The following UST variants were observed in gnomAD, a reference collection of about 807,000 sequenced individuals.
The protein encoded by UST is chondroitin sulfate 2-O-sulfotransferase.
A neutral mutation model predicts 45.6 loss-of-function variants in UST; 21 were observed. That is an observed-to-expected ratio of 0.46 (90% CI 0.33 to 0.66). The LOEUF is 0.66. UST is among the 30% of genes least tolerant of loss of function. The probability of loss-of-function intolerance (pLI) is 0.02; values close to 1 mark genes in which losing one functional copy is unlikely to be tolerated. For synonymous variants in UST, 215 were observed against 200.6 expected, an observed-to-expected ratio of 1.07 and a Z score of -0.61; for missense variants, 463 against 512.4, an observed-to-expected ratio of 0.90 and a Z score of 0.93.
intron 7 of UST, among the ~76,000 whole-genome samples, chr6:149,023,227 TAAG>T (rs888946830): frequency 1.3e-5 from 2 of 150,682 alleles, no homozygotes; most frequent in Non-Finnish European, 3.0e-5. Context: ...TGGTGACACA[TAAG>T]ATGAACACTC....
chr6:148,830,798 AGG>A (rs1415293305), intron 1 of UST, among the ~76,000 whole-genome samples: 1 of 148,096 alleles, frequency 6.8e-6, no homozygotes, highest in Non-Finnish European at 1.5e-5. Flanking sequence ...TGCCAGAGAC[AGG>A]GGGGAGGAGG....
At chr6:148,846,615 A>T (rs1777997184) in intron 1 of UST, among the ~76,000 whole-genome samples, 1 of 152,170 alleles carries the variant, frequency 6.6e-6, no homozygotes, top group East Asian at 1.9e-4. Context: ...ATAAAAAATA[A>T]AAATAAATAA....
At chr6:148,911,254 G>A (rs1358796697) in intron 2 of UST, among the ~76,000 whole-genome samples, 4 of 152,190 alleles carry the variant, frequency 2.6e-5, no homozygotes, top group Non-Finnish European at 1.5e-5. Context: ...ATGAGAAGCT[G>A]GACCTCTCTC....
At chr6:148,830,658 T>A (rs185942014) in intron 1 of UST, among the ~76,000 whole-genome samples, 3 of 152,314 alleles carry the variant, frequency 2.0e-5, no homozygotes, top group Non-Finnish European at 2.9e-5. Context: ...AAAACATTTT[T>A]AAAAATTCTA....
At chr6:149,003,727 T>G (rs983989628) in intron 5 of UST, among the ~76,000 whole-genome samples, 7 of 152,182 alleles carry the variant, frequency 4.6e-5, no homozygotes, top group African/African-American at 1.7e-4. Context: ...CCTGGCAAAA[T>G]TCTGCGTATT....
chr6:148,913,256 G>A (rs1417602555), intron 2 of UST, among the ~76,000 whole-genome samples: 1 of 152,008 alleles, frequency 6.6e-6, no homozygotes, highest in African/African-American at 2.4e-5. Flanking sequence ...ACATCCATCC[G>A]GAATTGATTC....
intron 1 of UST, among the ~76,000 whole-genome samples, chr6:148,773,247 G>C (rs975048972): frequency 1.3e-5 from 2 of 152,172 alleles, no homozygotes; most frequent in Non-Finnish European, 2.9e-5. Flanking sequence ...GATCACCTGA[G>C]GTCAGGAGTT....
intron 4 of UST, among the ~76,000 whole-genome samples, chr6:148,956,670 G>A (rs1265979351): frequency 1.3e-5 from 2 of 152,176 alleles, no homozygotes; most frequent in Admixed American, 1.3e-4. Context: ...TCCTGACTCG[G>A]TTTCTATGGA....
intron 1 of UST, 21 bp from the exon 2 acceptor site, chr6:148,886,965 A>G (rs78751961): frequency 6.2e-7 from 1 of 1,607,568 alleles, no homozygotes; most frequent in Non-Finnish European, 8.5e-7. Context: ...GGATTCATCA[A>G]CTTTTTCCTT....
rs187642934 is a variant in UST, at chr6:148,910,353, T to C, written c.291+23324T>C. Among the ~76,000 whole-genome samples, 4 of 152,272 alleles carry C rather than the reference T, an allele frequency of 2.6e-5. No individual in the cohort carries two copies. The East Asian group carries it at 5.8e-4, about 22-fold the overall frequency. The stretch of plus-strand genomic sequence containing the variant: ...TGGGGTTTCTCCATGTTGGTCAGGC[T>C]GGTCTCAAACTCCCGACCTCAGGTG... On this transcript the variant is annotated intron_variant, in intron 2 of 7. Coordinates refer to ENST00000367463, the MANE Select transcript of UST (RefSeq NM_005715.3).
chr6:148,835,144 AAAT>A (rs1290313930), intron 1 of UST, among the ~76,000 whole-genome samples: 5 of 152,164 alleles, frequency 3.3e-5, no homozygotes, highest in Non-Finnish European at 5.9e-5. Flanking sequence ...ACACAATAAA[AAAT>A]AATAATATAA....
At chr6:148,958,208 TG>T (rs1780564445) in intron 4 of UST, among the ~76,000 whole-genome samples, 2 of 152,256 alleles carry the variant, frequency 1.3e-5, no homozygotes. Flanking sequence ...CTAGGCTTCT[TG>T]TCCTGTTTCT....
intron 3 of UST, among the ~76,000 whole-genome samples, chr6:148,953,602 C>T (rs535466643): frequency 1.3e-5 from 2 of 152,072 alleles, no homozygotes; most frequent in African/African-American, 4.8e-5. Flanking sequence ...AACCCTGTCT[C>T]TACTAAAAAA....
Position 148,886,972 on chromosome 6 carries a change from CCTTT to C in UST, c.248-13_248-10del. Reference sequence around the variant, plus strand: ...TAAAAAACGGATTCATCAACTTTTTCCTTTATTTTCTAGGAAATTCCACTTACTT... The same window carrying C: ...TAAAAAACGGATTCATCAACTTTTTCATTTTCTAGGAAATTCCACTTACTT... On this transcript the variant is annotated splice_polypyrimidine_tract_variant and intron_variant, in intron 1 of 7. Coordinates refer to ENST00000367463, the MANE Select transcript of UST (RefSeq NM_005715.3). The C allele has an allele frequency of 1.2e-6, 2 of 1,609,840 alleles. No homozygotes were observed. The highest frequency in any genetic ancestry group is 1.7e-6 in the Non-Finnish European group (2 of 1,177,448).
chr6:148,755,722 T>C (rs1481626364), intron 1 of UST, among the ~76,000 whole-genome samples: 2 of 152,108 alleles, frequency 1.3e-5, no homozygotes, highest in African/African-American at 4.8e-5. Flanking sequence ...TTATGAGCAT[T>C]TTTAATTTAT....
intron 1 of UST, among the ~76,000 whole-genome samples, chr6:148,842,562 T>C (rs553692874): frequency 6.6e-6 from 1 of 152,272 alleles, no homozygotes; most frequent in Non-Finnish European, 1.5e-5. Context: ...AGAAGGGAGC[T>C]AGGGAGTACA....
intron 1 of UST, among the ~76,000 whole-genome samples, chr6:148,841,509 T>A (rs550095125): frequency 6.6e-6 from 1 of 152,168 alleles, no homozygotes; most frequent in African/African-American, 2.4e-5. Flanking sequence ...ATAATTACTA[T>A]TTAAAAATTT....
chr6:148,755,854 A>T (rs1776085008), intron 1 of UST, among the ~76,000 whole-genome samples: 1 of 152,014 alleles, frequency 6.6e-6, no homozygotes, highest in African/African-American at 2.4e-5. Context: ...CAGGTGAAAA[A>T]TGGTAATATT....
intron 1 of UST, among the ~76,000 whole-genome samples, chr6:148,772,236 T>G (rs6933887): frequency 0.19 from 29,375 of 152,064 alleles, 3,094 homozygotes; most frequent in African/African-American, 0.29. Flanking sequence ...AGCCTTATTT[T>G]TGGCAGGAAC....
Sources: gnomAD v4.1 joint callset for allele counts (sites outside exome capture counted in the v4.1 genomes callset) on GRCh38, gnomAD v4.1.1 for gene constraint, MANE v1.5 for transcripts, NCBI Gene and HGNC (gene_info 2026-07-23, HGNC 2026-07-21) for gene names.